PIK3R5: variants seen among roughly 807,000 people sequenced by gnomAD.
The protein encoded by PIK3R5 is phosphoinositide-3-kinase regulatory subunit 5.
PIK3R5 carries 32 observed loss-of-function variants against 94.9 expected under a neutral mutation model. The observed-to-expected ratio is 0.34, with a 90% CI of 0.25 to 0.45. PIK3R5 has a LOEUF of 0.45. Among genes scored for constraint, PIK3R5 ranks in the 20% least tolerant of loss-of-function variants. The pLI, the probability that PIK3R5 is intolerant of heterozygous loss-of-function variation, is 1.00. For missense variants in PIK3R5, 853 were observed against 1,144.6 expected (o/e 0.75, Z 3.68); for synonymous variants, 443 against 479.4 (o/e 0.92, Z 0.99).
chr17:8,890,732 A>T lies in PIK3R5; in HGVS notation c.657+6T>A. ...TCCACCAGAGCCCCAGGCCCCAGGT[A>T]CATACCTGTAGCCTGCAGTGCAGGC... On this transcript the variant is annotated splice_donor_region_variant and intron_variant, in intron 7 of 18. Transcript: ENST00000447110. The surrounding 1 kb of genome is among the most constrained non-coding windows in gnomAD (Gnocchi z 6.1). 1 of 1,603,448 alleles carries T rather than the reference A, an allele frequency of 6.2e-7. No individual in the cohort carries two copies. Among genetic ancestry groups the T allele is most frequent in the Non-Finnish European group, 8.5e-7 (1 of 1,175,234 alleles).
chr17:8,947,059 A>G (rs1001344051), intron 1 of PIK3R5, among the ~76,000 whole-genome samples: 2 of 147,950 alleles, frequency 1.4e-5, no homozygotes, highest in Non-Finnish European at 3.0e-5. Context: ...TGAAAGATGA[A>G]GAGGTTTGAA....
At chr17:8,940,332 G>A (rs982638306) in intron 1 of PIK3R5, among the ~76,000 whole-genome samples, 20 of 152,298 alleles carry the variant, frequency 1.3e-4, no homozygotes, top group African/African-American at 2.6e-4. Context: ...TCTCTCCACC[G>A]TGGTACATTA....
intron 1 of PIK3R5, among the ~76,000 whole-genome samples, chr17:8,963,817 G>A (rs146664805): frequency 1.5e-3 from 225 of 152,184 alleles, no homozygotes; most frequent in African/African-American, 5.0e-3. Flanking sequence ...GATGAAAGGA[G>A]GGAGGTTCTT....
At position 8,925,803 on chromosome 17, in the gene PIK3R5, C is replaced by T. The variant is rs2090872714; in HGVS notation, c.-13-14296G>A. ...ATGCTTCATCCCCTTTTGTCTTTTC[C>T]TTTAATGCAGATAGATGCATCACAT... On this transcript the variant is annotated intron_variant, in intron 1 of 18. Coordinates refer to ENST00000447110, the MANE Select transcript of PIK3R5 (RefSeq NM_001142633.3). The surrounding 1 kb of genome is among the most constrained non-coding windows in gnomAD (Gnocchi z 5.1). Among the ~76,000 whole-genome samples, 1 of 152,182 alleles carries T rather than the reference C, an allele frequency of 6.6e-6. No individual in the cohort carries two copies. The highest frequency in any genetic ancestry group is 1.5e-5 in the Non-Finnish European group (1 of 68,034).
At chr17:8,957,395 C>G (rs1365483715) in intron 1 of PIK3R5, among the ~76,000 whole-genome samples, 5 of 152,172 alleles carry the variant, frequency 3.3e-5, no homozygotes, top group Admixed American at 6.5e-5. Context: ...GAATGACACC[C>G]AGTTGAGAAG....
Position 8,911,648 on chromosome 17 carries a change from G to A in PIK3R5, c.-13-141C>T, listed in dbSNP as rs2090527344. 1.7e-6 allele frequency: 1 copy of A among 605,970 alleles called. No homozygotes were observed. The highest frequency in any genetic ancestry group is 2.0e-5 in the South Asian group (1 of 50,698). The allele number at this position is 605,970 out of a possible 1,614,324, so 37.5% of individuals were successfully genotyped here. On this transcript the variant is annotated intron_variant, in intron 1 of 18. Transcript: ENST00000447110. The surrounding 1 kb of genome is among the most constrained non-coding windows in gnomAD (Gnocchi z 5.3). Reference sequence around the variant, plus strand: ...CTCAGGTGCTGTGGAAACAGGACCAGGGGCCTTACAGCTGCCTCCAGGGTA... The same window carrying A: ...CTCAGGTGCTGTGGAAACAGGACCAAGGGCCTTACAGCTGCCTCCAGGGTA...
intron 1 of PIK3R5, among the ~76,000 whole-genome samples, chr17:8,912,259 T>C (rs576055594): frequency 6.6e-6 from 1 of 152,296 alleles, no homozygotes; most frequent in East Asian, 1.9e-4. Flanking sequence ...GCCCAGCTTC[T>C]TAGTTATGTA....
Position 8,911,601 on chromosome 17 carries a change from G to C in PIK3R5, c.-13-94C>G, listed in dbSNP as rs112515680. ...ACAACAGGTGCTCACAGTGCAGCGC[G>C]ATCAGCCCAGCCCAGCTATAGCTCA... On this transcript the variant is annotated intron_variant, in intron 1 of 18. Coordinates refer to ENST00000447110, the MANE Select transcript of PIK3R5 (RefSeq NM_001142633.3). The surrounding 1 kb of genome is among the most constrained non-coding windows in gnomAD (Gnocchi z 5.3). 2 of 769,408 alleles carry C rather than the reference G, an allele frequency of 2.6e-6. No homozygotes were observed. Among genetic ancestry groups the C allele is most frequent in the African/African-American group, 1.7e-5 (1 of 58,400 alleles). The allele number at this position is 769,408 out of a possible 1,614,324, so 47.7% of individuals were successfully genotyped here.
chr17:8,904,936 A>G lies in PIK3R5; in HGVS notation c.274-21T>C. The G allele has an allele frequency of 6.2e-7, 1 of 1,609,558 alleles. No homozygotes were observed. Among genetic ancestry groups the G allele is most frequent in the Non-Finnish European group, 8.5e-7 (1 of 1,179,838 alleles). The stretch of plus-strand genomic sequence containing the variant: ...GGTGTCTAGGATGGAGGCAGGCAAC[A>G]AGCAAAGAGATCTAGGTGAGAAAAG... On this transcript the variant is annotated intron_variant, in intron 4 of 18. Coordinates refer to ENST00000447110, the MANE Select transcript of PIK3R5 (RefSeq NM_001142633.3). The surrounding 1 kb of genome is among the most constrained non-coding windows in gnomAD (Gnocchi z 5.1).
intron 1 of PIK3R5, among the ~76,000 whole-genome samples, chr17:8,946,967 T>C (rs534285442): frequency 6.6e-6 from 1 of 152,334 alleles, no homozygotes; most frequent in African/African-American, 2.4e-5. Context: ...ATTATATTTC[T>C]GTAACTCCCA....
At chr17:8,916,087 C>A (rs919201632) in intron 1 of PIK3R5, 4 of 152,308 alleles carry the variant, frequency 2.6e-5, no homozygotes, top group Non-Finnish European at 5.9e-5. Flanking sequence ...CTCGAGCTCG[C>A]CCCAAGTTCT....
In PIK3R5 at chr17:8,909,858, A is replaced by G. The variant is rs2151412117; in HGVS notation, c.104-684T>C. On this transcript the variant is annotated intron_variant, in intron 2 of 18. Coordinates refer to ENST00000447110, the MANE Select transcript of PIK3R5 (RefSeq NM_001142633.3). This position sits in a 1 kb window ranked among gnomAD's most constrained non-coding sequence, Gnocchi z 4.3. The stretch of plus-strand genomic sequence containing the variant: ...ACCTATGAGTTGCAGGGAGGTTAGA[A>G]CAGAGGCAGAAATTGCTGGAAGAAT... 6.6e-6 allele frequency among the ~76,000 whole-genome samples: 1 copy of G among 152,330 alleles called. No individual in the cohort carries two copies. The highest frequency in any genetic ancestry group is 1.9e-4 in the East Asian group (1 of 5,182).
intron 1 of PIK3R5, among the ~76,000 whole-genome samples, chr17:8,960,478 G>A (rs546382353): frequency 9.1e-4 from 139 of 152,338 alleles, no homozygotes; most frequent in African/African-American, 3.3e-3. Flanking sequence ...TGCCTGTCTT[G>A]CTCAGTGTCC....
At chr17:8,962,730 C>T (rs1373759906) in intron 1 of PIK3R5, among the ~76,000 whole-genome samples, 2 of 152,198 alleles carry the variant, frequency 1.3e-5, no homozygotes, top group Non-Finnish European at 1.5e-5. Context: ...CAGTGAAATT[C>T]ATACAATTAG....
intron 1 of PIK3R5, among the ~76,000 whole-genome samples, chr17:8,940,227 G>T (rs1369190402): frequency 6.6e-6 from 1 of 152,242 alleles, no homozygotes; most frequent in South Asian, 2.1e-4. Flanking sequence ...AGCTGGGCAC[G>T]TGGGAGGCCC....
At chr17:8,963,718 G>C (rs1455561333) in intron 1 of PIK3R5, among the ~76,000 whole-genome samples, 2 of 152,008 alleles carry the variant, frequency 1.3e-5, no homozygotes, top group Non-Finnish European at 2.9e-5. Context: ...GAATGGGAGG[G>C]AGGAAAGGCA....
chr17:8,954,958 G>C (rs75122208), intron 1 of PIK3R5, among the ~76,000 whole-genome samples: 11 of 124,196 alleles, frequency 8.9e-5, no homozygotes, highest in African/African-American at 3.3e-4. Context: ...AAAAAAAAAA[G>C]ATTCCCAAGC....
At chr17:8,962,828 A>G (rs2091590833) in intron 1 of PIK3R5, among the ~76,000 whole-genome samples, 1 of 152,204 alleles carries the variant, frequency 6.6e-6, no homozygotes, top group Non-Finnish European at 1.5e-5. Context: ...ACGGGAGGGT[A>G]TCATCTTCCC....
chr17:8,895,901 A>C (rs994691732), intron 5 of PIK3R5, among the ~76,000 whole-genome samples: 1 of 152,072 alleles, frequency 6.6e-6, no homozygotes, highest in African/African-American at 2.4e-5. Context: ...AGAACCTATG[A>C]TCATCAGATA....
Sources: allele counts gnomAD v4.1 joint callset (sites outside exome capture counted in the v4.1 genomes callset), GRCh38; gene constraint gnomAD v4.1.1; non-coding constraint Gnocchi (gnomAD v3.1); transcripts MANE v1.5; gene names NCBI Gene and HGNC (gene_info 2026-07-23, HGNC 2026-07-21).